PSPC1: variants seen among roughly 807,000 people sequenced by gnomAD.
PSPC1 encodes paraspeckle protein 1.
PSPC1 carries 14 observed loss-of-function variants against 51.6 expected under a neutral mutation model. The observed-to-expected ratio is 0.27, with a 90% confidence interval of 0.18 to 0.42. The LOEUF (loss-of-function observed/expected upper bound fraction) is 0.42. PSPC1 is among the 10% of genes least tolerant of loss of function. The probability of loss-of-function intolerance (pLI) is 1.00; values close to 1 mark genes in which losing one functional copy is unlikely to be tolerated. For synonymous variants in PSPC1, 193 were observed against 231.9 expected (o/e 0.83, Z 1.53); for missense variants, 406 against 701.1 (o/e 0.58, Z 4.75).
chr13:19,741,517 TA>T (rs1441471291), intron 5 of PSPC1, 47 bp downstream of exon 5: 1 of 1,354,054 alleles, frequency 7.4e-7, no homozygotes, highest in Non-Finnish European at 1.0e-6. Flanking sequence ...GGGGAGTTTT[TA>T]TTAATAAGAC....
intron 2 of PSPC1, among the ~76,000 whole-genome samples, chr13:19,768,651 TA>T (rs1354553105): frequency 7.2e-6 from 1 of 138,372 alleles, no homozygotes; most frequent in Non-Finnish European, 1.6e-5. Flanking sequence ...CTGTCTCAAA[TA>T]AAAGAAAAGA....
chr13:19,708,049 T>C (rs1337595229), intron 7 of PSPC1, among the ~76,000 whole-genome samples: 5 of 152,230 alleles, frequency 3.3e-5, no homozygotes, highest in African/African-American at 9.6e-5. Flanking sequence ...AAGTTCTTTA[T>C]GGGCGAGGGC....
chr13:19,682,799 C>T (rs747043305), intron 6 of PSPC1, among the ~76,000 whole-genome samples: 1 of 151,922 alleles, frequency 6.6e-6, no homozygotes, highest in East Asian at 1.9e-4. Flanking sequence ...GTATGGCTCA[C>T]AGGTATAATC....
At chr13:19,764,361 CAAT>C (rs1427313585) in intron 2 of PSPC1, among the ~76,000 whole-genome samples, 1 of 152,020 alleles carries the variant, frequency 6.6e-6, no homozygotes, top group Non-Finnish European at 1.5e-5. Context: ...CATGCATGCA[CAAT>C]AATTTTTTTA....
chr13:19,737,162 G>A (rs1029280209), intron 5 of PSPC1: 3 of 152,048 alleles, frequency 2.0e-5, no homozygotes, highest in Non-Finnish European at 4.4e-5. Context: ...AACTTAATGC[G>A]GACATCCAAT....
At chr13:19,764,087 A>T (rs1887834155) in intron 2 of PSPC1, among the ~76,000 whole-genome samples, 1 of 152,112 alleles carries the variant, frequency 6.6e-6, no homozygotes, top group African/African-American at 2.4e-5. Context: ...AAAATACTAA[A>T]ATTTAAAGTG....
chr13:19,689,252 C>A (rs1878284376), intron 6 of PSPC1, among the ~76,000 whole-genome samples: 1 of 152,036 alleles, frequency 6.6e-6, no homozygotes, highest in South Asian at 2.1e-4. Context: ...CAGAGGGAAG[C>A]CTAGAGTGAA....
At chr13:19,771,957 T>G (rs1888664307) in intron 2 of PSPC1, among the ~76,000 whole-genome samples, 1 of 152,208 alleles carries the variant, frequency 6.6e-6, no homozygotes, top group African/African-American at 2.4e-5. Context: ...TTACAATTTC[T>G]GAAAGGATTA....
chr13:19,778,871 A>C (rs1593793687), intron 1 of PSPC1, among the ~76,000 whole-genome samples: 2 of 63,046 alleles, frequency 3.2e-5, no homozygotes, highest in Admixed American at 1.8e-4. Context: ...CTGGCTGCCC[A>C]GTCTGGAAAG....
At chr13:19,726,923 G>A (rs1266759925) in intron 6 of PSPC1, among the ~76,000 whole-genome samples, 1 of 152,180 alleles carries the variant, frequency 6.6e-6, no homozygotes, top group African/African-American at 2.4e-5. Context: ...TATTATGTGT[G>A]TTGAATAAAC....
At chr13:19,776,496 T>C (rs924717979) in intron 1 of PSPC1, among the ~76,000 whole-genome samples, 2 of 151,880 alleles carry the variant, frequency 1.3e-5, no homozygotes, top group African/African-American at 2.4e-5. Context: ...ACTTAAAATG[T>C]GTACCCTTTA....
At chr13:19,743,083 T>C (rs1322013503) in intron 4 of PSPC1, among the ~76,000 whole-genome samples, 2 of 152,210 alleles carry the variant, frequency 1.3e-5, no homozygotes, top group African/African-American at 4.8e-5. Flanking sequence ...TACATTTGTA[T>C]TGCACATCTA....
intron 6 of PSPC1, among the ~76,000 whole-genome samples, chr13:19,686,058 ACTGAT>A (rs1210461717): frequency 1.3e-5 from 2 of 152,164 alleles, no homozygotes; most frequent in African/African-American, 2.4e-5. Flanking sequence ...AACTCTCCTG[ACTGAT>A]CTAAGTGCTT....
At chr13:19,781,367 G>T (rs903984963) in intron 1 of PSPC1, among the ~76,000 whole-genome samples, 2 of 151,962 alleles carry the variant, frequency 1.3e-5, no homozygotes, top group South Asian at 2.1e-4. Context: ...GGCCAGGCTT[G>T]TTCAAATTTT....
At chr13:19,698,496 A>C (rs1200793733), downstream of PSPC1, among the ~76,000 whole-genome samples, 1 of 151,904 alleles carries the variant, frequency 6.6e-6, no homozygotes, top group East Asian at 1.9e-4. Context: ...AAGAAAATCT[A>C]AAATGAAATG....
At chr13:19,702,247 G>A (rs905682908), downstream of PSPC1, among the ~76,000 whole-genome samples, 2 of 152,130 alleles carry the variant, frequency 1.3e-5, no homozygotes, top group African/African-American at 4.8e-5. Context: ...TTACAACACT[G>A]CAGAGTCAAG....
intron 6 of PSPC1, among the ~76,000 whole-genome samples, chr13:19,720,230 G>A (rs1457335091): frequency 6.6e-6 from 1 of 152,162 alleles, no homozygotes; most frequent in East Asian, 1.9e-4. Flanking sequence ...TGACTGGTTT[G>A]CACTTCTTGA....
intron 5 of PSPC1, among the ~76,000 whole-genome samples, chr13:19,731,870 C>T (rs528383924): frequency 6.6e-6 from 1 of 152,222 alleles, no homozygotes; most frequent in African/African-American, 2.4e-5. Context: ...AATGGATACT[C>T]AAGGTGTATG....
intron 6 of PSPC1, among the ~76,000 whole-genome samples, chr13:19,689,224 C>T (rs939099306): frequency 2.0e-5 from 3 of 152,088 alleles, no homozygotes; most frequent in Admixed American, 1.3e-4. Flanking sequence ...CAGACTAGAG[C>T]AGGAAAAGGC....
Sources: allele counts gnomAD v4.1 joint callset (sites outside exome capture counted in the v4.1 genomes callset), GRCh38; gene constraint gnomAD v4.1.1; transcripts MANE v1.5; gene names NCBI Gene and HGNC (gene_info 2026-07-23, HGNC 2026-07-21).